Variants in HSF2 observed in about 807,000 individuals in gnomAD.
HSF2 encodes heat shock factor protein 2.
Under a neutral mutation model 65.0 loss-of-function variants are expected in HSF2, and 21 were observed. The observed-to-expected ratio is 0.32, with a 90% CI of 0.23 to 0.47. HSF2 has a LOEUF of 0.47. HSF2 is among the 20% of genes least tolerant of loss of function. HSF2 has a pLI of 1.00. For synonymous variants in HSF2, 225 were observed against 219.1 expected (o/e 1.03, Z -0.24); for missense variants, 499 against 628.1 (o/e 0.79, Z 2.20).
chr6:122,419,025 C>T (rs45460591), intron 5 of HSF2, 143 bp from the exon 6 acceptor site: 41 of 554,026 alleles, frequency 7.4e-5, no homozygotes, highest in African/African-American at 6.3e-4. Flanking sequence ...TTCTACGGTG[C>T]GTCTGGATTT....
At chr6:122,416,081 C>T in intron 4 of HSF2, 140 bp from the exon 5 acceptor site, 2 of 557,714 alleles carry the variant, frequency 3.6e-6, no homozygotes, top group Non-Finnish European at 3.2e-6. Context: ...GTAATTGAAC[C>T]AAAGTTTTCT....
chr6:122,418,822 C>T lies in HSF2; in HGVS notation c.532-346C>T, dbSNP rs748887728. Among the ~76,000 whole-genome samples, 36 of 152,200 alleles carry T rather than the reference C, an allele frequency of 2.4e-4. 1 individual carries two copies. Among genetic ancestry groups the T allele is most frequent in the Admixed American group, 1.5e-3 (23 of 15,266 alleles). On this transcript the variant is annotated intron_variant, in intron 5 of 12. Transcript: ENST00000368455. ...TTCATGATTATTCTGAAGGAACTGA[C>T]GGTTTATTTTGCCTCTGTTACCTGG...
intron 1 of HSF2, among the ~76,000 whole-genome samples, chr6:122,404,810 T>C (rs2114420147): frequency 6.6e-6 from 1 of 152,294 alleles, no homozygotes; most frequent in East Asian, 1.9e-4. Flanking sequence ...AGAAGTTATT[T>C]ACTAATTTTA....
chr6:122,401,632 C>G (rs181274893), intron 1 of HSF2, among the ~76,000 whole-genome samples: 1 of 152,118 alleles, frequency 6.6e-6, no homozygotes, highest in African/African-American at 2.4e-5. Context: ...TTTTTAATCC[C>G]ATTATTAACT....
chr6:122,412,787 T>G (rs1486975245), intron 3 of HSF2, 23 bp downstream of exon 3: 1 of 1,610,474 alleles, frequency 6.2e-7, no homozygotes, highest in South Asian at 1.1e-5. Context: ...GAACGTGAGC[T>G]AATTAGGGTA....
intron 12 of HSF2, 68 bp downstream of exon 12, chr6:122,431,582 G>A (rs895302170): frequency 3.7e-5 from 31 of 848,732 alleles, no homozygotes; most frequent in Non-Finnish European, 4.6e-5. Flanking sequence ...AGTGCAAGCC[G>A]AGGGTAGTCT....
chr6:122,427,737 G>A (rs1474072395), intron 10 of HSF2, among the ~76,000 whole-genome samples, 166 bp from the exon 11 acceptor site: 2 of 152,080 alleles, frequency 1.3e-5, no homozygotes, highest in South Asian at 4.1e-4. Context: ...TTCTGCTTTT[G>A]TTTGTTTTTC....
chr6:122,409,833 T>C (rs1174243437), intron 1 of HSF2, among the ~76,000 whole-genome samples: 1 of 151,948 alleles, frequency 6.6e-6, no homozygotes, highest in Non-Finnish European at 1.5e-5. Flanking sequence ...ATGTCATGTC[T>C]CCAAAAGCTT....
At position 122,420,168 on chromosome 6, in the gene HSF2, G is replaced by C; in HGVS notation, c.627G>C (p.Lys209Asn). 6.2e-7 allele frequency: 1 copy of C among 1,610,628 alleles called. No individual in the cohort carries two copies. The highest frequency in any genetic ancestry group is 1.1e-5 in the South Asian group (1 of 90,776). ...PLLLNTNGAQ[K>N]KNLFQHIVKE... The stretch of plus-strand genomic sequence containing the variant: ...TTCTAAACACTAATGGAGCCCAAAA[G>C]AAGAACCTGTTTCAGCACATAGTCA... Residue 209 changes from lysine to asparagine, a missense_variant, in exon 7 of 13, where the codon AAG becomes AAC. This residue lies in a region of HSF2 where 349 missense variants were observed against 393.5 expected (regional missense o/e 0.89). Coordinates refer to ENST00000368455, the MANE Select transcript of HSF2 (RefSeq NM_004506.4).
intron 1 of HSF2, among the ~76,000 whole-genome samples, chr6:122,404,316 G>A (rs1273083973): frequency 1.3e-5 from 2 of 152,180 alleles, no homozygotes; most frequent in East Asian, 3.8e-4. Flanking sequence ...CATTATATTA[G>A]TATTTCAAAG....
At chr6:122,413,710 T>C (rs1383035199) in intron 4 of HSF2, 61 bp downstream of exon 4, 12 of 1,394,662 alleles carry the variant, frequency 8.6e-6, no homozygotes, top group Non-Finnish European at 1.2e-5. Flanking sequence ...CTATGTGTGT[T>C]GAGTTTGGAG....
chr6:122,430,148 G>A (rs1489304153), intron 11 of HSF2, among the ~76,000 whole-genome samples: 1 of 151,942 alleles, frequency 6.6e-6, no homozygotes, highest in South Asian at 2.1e-4. Context: ...GGCTTTTTTT[G>A]GTTGGTAGGC....
intron 1 of HSF2, among the ~76,000 whole-genome samples, chr6:122,402,830 G>T (rs1773770249): frequency 6.6e-6 from 1 of 152,136 alleles, no homozygotes; most frequent in South Asian, 2.1e-4. Flanking sequence ...GAGATTACAG[G>T]TGTGAGCCAC....
Position 122,413,525 on chromosome 6 carries a change from G to C in HSF2, c.331G>C (p.Val111Leu). The change falls in exon 4 of 13, where the codon GTT becomes CTT. Residue 111 changes from valine to leucine, a missense_variant and splice_region_variant. Physicochemically the swap from Val to Leu is conservative, Grantham distance 32 (BLOSUM62 1). Transcript: ENST00000368455. ...DDLLENIKRK[V>L]SSSKPEENKI... ...ATTTTCTAAATTTACTTTTTCAAAG[G>C]TTTCATCTTCAAAACCAGAAGAAAA... is the stretch of plus-strand genomic sequence containing the variant. The C allele has an allele frequency of 1.3e-6, 2 of 1,562,748 alleles. No homozygotes were observed. Among genetic ancestry groups the C allele is most frequent in the Non-Finnish European group, 1.8e-6 (2 of 1,139,578 alleles).
At chr6:122,431,133 C>A (rs1315885320) in intron 11 of HSF2, among the ~76,000 whole-genome samples, 1 of 152,072 alleles carries the variant, frequency 6.6e-6, no homozygotes, top group Non-Finnish European at 1.5e-5. Flanking sequence ...TCATTCTGAT[C>A]TTTTACTCGT....
chr6:122,425,942 G>A (rs1774330599), intron 10 of HSF2, among the ~76,000 whole-genome samples: 1 of 151,948 alleles, frequency 6.6e-6, no homozygotes, highest in African/African-American at 2.4e-5. Flanking sequence ...TTTATTCTCT[G>A]TATTAGTTAC....
Position 122,423,650 on chromosome 6 carries a change from A to G in HSF2, c.1140A>G (p.Gly380=). 3 of 1,609,910 alleles carry G rather than the reference A, an allele frequency of 1.9e-6. No individual in the cohort carries two copies. The South Asian group carries it at 3.3e-5, about 18-fold the overall frequency. The change falls in exon 10 of 13, where the codon GGA becomes GGG. Residue 380 remains glycine (G), a synonymous_variant. Coordinates refer to ENST00000368455, the MANE Select transcript of HSF2 (RefSeq NM_004506.4). Reference sequence around the variant, plus strand: ...AGGACTTCCAGGCCATGCTATCAGGAAGACAATTTAGCATAGACCCAGATC... The same window carrying G: ...AGGACTTCCAGGCCATGCTATCAGGGAGACAATTTAGCATAGACCCAGATC... ...SLEDFQAMLS[G]RQFSIDPDLL...
Position 122,411,708 on chromosome 6 carries a change from T to A in HSF2, c.94-665T>A, listed in dbSNP as rs938928410. ...CTGTCCTTTTTTTATTGAATGGTCT[T>A]GACACTGTTGTCAAAAATCCTTTGG... On this transcript the variant is annotated intron_variant, in intron 1 of 12. Coordinates refer to ENST00000368455, the MANE Select transcript of HSF2 (RefSeq NM_004506.4). Among the ~76,000 whole-genome samples, 71 of 151,938 alleles carry A rather than the reference T, an allele frequency of 4.7e-4. 1 individual carries two copies. The highest frequency in any genetic ancestry group is 1.6e-4 in the Non-Finnish European group (11 of 67,834).
chr6:122,416,093 G>T, intron 4 of HSF2, 128 bp from the exon 5 acceptor site: 1 of 574,590 alleles, frequency 1.7e-6, no homozygotes, highest in South Asian at 2.4e-5. Context: ...AAGTTTTCTT[G>T]GTCTCATAAA....
Sources: allele counts gnomAD v4.1 joint callset (sites outside exome capture counted in the v4.1 genomes callset), GRCh38; gene constraint gnomAD v4.1.1; regional missense constraint gnomAD v4.1.1; transcripts MANE v1.5; gene names NCBI Gene and HGNC (gene_info 2026-07-23, HGNC 2026-07-21).